The following LCE1F variants were observed in gnomAD, a reference collection of about 807,000 sequenced individuals.
LCE1F encodes late cornified envelope protein 1F.
For synonymous variants in LCE1F, 67 were observed against 59.9 expected (o/e 1.12, Z -0.55); for missense variants, 154 against 153.5 (o/e 1.00, Z -0.02).
chr1:152,776,195 G>A (rs1336511744), intron 1 of LCE1F, among the ~76,000 whole-genome samples, 155 bp from the exon 2 acceptor site: 1 of 152,022 alleles, frequency 6.6e-6, no homozygotes, highest in South Asian at 2.1e-4. Flanking sequence ...GAAAGCACTT[G>A]GTAAACATTG....
chr1:152,775,959 A>ATTTTTTTTTTTTTTTTTTTTTTTTTT (rs1557832103), intron 1 of LCE1F, among the ~76,000 whole-genome samples: 2 of 150,892 alleles, frequency 1.3e-5, no homozygotes, highest in African/African-American at 5.0e-5. Flanking sequence ...ATTTATTTTG[A>ATTTTTTTTTTTTTTTTTTTTTTTTTT]TTTTTCCTTA....
At chr1:152,776,267 G>T (rs1651587013) in intron 1 of LCE1F, 83 bp from the exon 2 acceptor site, 1 of 1,196,408 alleles carries the variant, frequency 8.4e-7, no homozygotes, top group Non-Finnish European at 1.2e-6. Flanking sequence ...CAAAATGAAG[G>T]ATCTAGAAAT....
chr1:152,776,337 G>A lies in LCE1F; in HGVS notation c.-22-13G>A, dbSNP rs1311600856. The A allele has an allele frequency of 1.9e-6, 3 of 1,607,442 alleles. No individual in the cohort carries two copies. Among genetic ancestry groups the A allele is most frequent in the Non-Finnish European group, 2.6e-6 (3 of 1,174,744 alleles). ...TCTGCCTCCATCTAACTTGCTGTCT[G>A]ACCCTCCTTCAGCTCCTGAACACCC... On this transcript the variant is annotated splice_polypyrimidine_tract_variant and intron_variant, in intron 1 of 1. Transcript: ENST00000334371.
rs80342527 is a variant in LCE1F at position 152,776,887 on chromosome 1, A to G, written c.*159A>G. 0.011 allele frequency among the ~76,000 whole-genome samples: 1,733 copies of G among 152,324 alleles called. 36 individuals carry two copies. Among genetic ancestry groups the G allele is most frequent in the African/African-American group, 0.039 (1,626 of 41,564 alleles). The stretch of plus-strand genomic sequence containing the variant: ...GAATCCAGAAATCTGCCCTCTCACA[A>G]GAATTCCTCTTCTGACCTCTGATTC... On this transcript the variant is annotated 3_prime_UTR_variant, in exon 2 of 2. Transcript: ENST00000334371.
intron 1 of LCE1F, among the ~76,000 whole-genome samples, chr1:152,776,051 G>T (rs934454106): frequency 2.6e-5 from 4 of 152,006 alleles, no homozygotes; most frequent in African/African-American, 9.7e-5. Context: ...ATGCTGGCCC[G>T]GAGCCAATTT....
intron 1 of LCE1F, among the ~76,000 whole-genome samples, 174 bp from the exon 2 acceptor site, chr1:152,776,176 T>A (rs1651585553): frequency 6.6e-6 from 1 of 152,130 alleles, no homozygotes; most frequent in Non-Finnish European, 1.5e-5. Context: ...GAAATGAGAA[T>A]CCATGAATGA....
chr1:152,776,772 G>C lies in LCE1F; in HGVS notation c.*44G>C. On this transcript the variant is annotated 3_prime_UTR_variant, in exon 2 of 2. Transcript: ENST00000334371. ...AAGAGCAGATTTAGAGGCATGAAAGGGGCAACTTCATCTTCCTTGGGACTG... is the reference window on the plus strand; with the variant it reads ...AAGAGCAGATTTAGAGGCATGAAAGCGGCAACTTCATCTTCCTTGGGACTG... 3 of 1,510,722 alleles carry C rather than the reference G, an allele frequency of 2.0e-6. No homozygotes were observed. Among genetic ancestry groups the C allele is most frequent in the Non-Finnish European group, 2.7e-6 (3 of 1,129,432 alleles). The allele number at this position is 1,510,722 out of a possible 1,614,324, so 93.6% of individuals were successfully genotyped here.
At chr1:152,775,792 G>A (rs1651573071) in intron 1 of LCE1F, among the ~76,000 whole-genome samples, 1 of 152,174 alleles carries the variant, frequency 6.6e-6, no homozygotes, top group South Asian at 2.1e-4. Context: ...AAATGTGACT[G>A]TTAATGAATA....
rs1557832271 is a variant in LCE1F at position 152,776,441 on chromosome 1, T to A, written c.70T>A (p.Cys24Ser). ...GTGCACTCCCAAGTGCCCTCCCAAG[T>A]GCCCCACACCGAAGTGCCCCCCAAA... ...PKCTPKCPPK[C>S]PTPKCPPKCP... The change falls in exon 2 of 2, where the codon TGC (cysteine) becomes AGC (serine). Residue 24 changes from cysteine to serine, a missense_variant. Coordinates refer to ENST00000334371, the MANE Select transcript of LCE1F (RefSeq NM_178354.3). 10 of 1,593,466 alleles carry A rather than the reference T, an allele frequency of 6.3e-6. No homozygotes were observed. The highest frequency in any genetic ancestry group is 8.5e-6 in the Non-Finnish European group (10 of 1,174,094).
intron 1 of LCE1F, 64 bp from the exon 2 acceptor site, chr1:152,776,286 A>C: frequency 7.3e-7 from 1 of 1,375,180 alleles, no homozygotes; most frequent in Non-Finnish European, 1.0e-6. Context: ...ATAATGCAGA[A>C]AGGACAAGAA....
At chr1:152,776,045 T>C (rs750902923) in intron 1 of LCE1F, among the ~76,000 whole-genome samples, 24 of 152,212 alleles carry the variant, frequency 1.6e-4, no homozygotes, top group Non-Finnish European at 4.4e-5. Context: ...GAATGAATGC[T>C]GGCCCGGAGC....
rs1557832427 is a variant in LCE1F at position 152,776,542 on chromosome 1, G to A, written c.171G>A (p.Gly57=). ...SSGGCCGSSS[G]GCCSSGGGGC... is the part of the protein sequence containing the mutation. Reference sequence around the variant, plus strand: ...GAGGCTGCTGTGGCTCCAGCTCTGGGGGCTGCTGCAGCTCTGGGGGTGGTG... The same window carrying A: ...GAGGCTGCTGTGGCTCCAGCTCTGGAGGCTGCTGCAGCTCTGGGGGTGGTG... Residue 57 remains glycine (G), a synonymous_variant, in exon 2 of 2, where the codon GGG becomes GGA. Coordinates refer to ENST00000334371, the MANE Select transcript of LCE1F (RefSeq NM_178354.3). The A allele has an allele frequency of 6.2e-7, 1 of 1,606,918 alleles. No individual in the cohort carries two copies.
chr1:152,776,050 C>T (rs777669797), intron 1 of LCE1F, among the ~76,000 whole-genome samples: 9 of 152,078 alleles, frequency 5.9e-5, no homozygotes, highest in African/African-American at 1.7e-4. Context: ...AATGCTGGCC[C>T]GGAGCCAATT....
intron 1 of LCE1F, 84 bp from the exon 2 acceptor site, chr1:152,776,266 G>A: frequency 1.7e-6 from 2 of 1,190,312 alleles, no homozygotes; most frequent in Non-Finnish European, 2.4e-6. Flanking sequence ...TCAAAATGAA[G>A]GATCTAGAAA....
At chr1:152,775,256 G>A (rs1273445062) in intron 1 of LCE1F, among the ~76,000 whole-genome samples, 66 bp downstream of exon 1, 1 of 152,186 alleles carries the variant, frequency 6.6e-6, no homozygotes, top group African/African-American at 2.4e-5. Flanking sequence ...GGGAAGGAGG[G>A]GATGGATACT....
intron 1 of LCE1F, 57 bp from the exon 2 acceptor site, chr1:152,776,293 A>G (rs1290032323): frequency 1.2e-5 from 17 of 1,432,162 alleles, no homozygotes; most frequent in Non-Finnish European, 1.6e-5. Flanking sequence ...AGAAAGGACA[A>G]GAATAGGCAG....
At position 152,776,367 on chromosome 1, in the gene LCE1F, C is replaced by T. The variant is rs1450336343; in HGVS notation, c.-5C>T. 3 of 1,613,892 alleles carry T rather than the reference C, an allele frequency of 1.9e-6. No homozygotes were observed. Among genetic ancestry groups the T allele is most frequent in the Non-Finnish European group, 2.5e-6 (3 of 1,179,908 alleles). On this transcript the variant is annotated 5_prime_UTR_variant, in exon 2 of 2. Transcript: ENST00000334371. ...TCCTTCAGCTCCTGAACACCCGCCA[C>T]CGAGATGTCTTGCCAGCAGAGCCAG...
At chr1:152,776,033 T>C (rs1651582156) in intron 1 of LCE1F, among the ~76,000 whole-genome samples, 1 of 152,198 alleles carries the variant, frequency 6.6e-6, no homozygotes, top group Non-Finnish European at 1.5e-5. Flanking sequence ...GGTGATGTGA[T>C]AGAATGAATG....
At position 152,776,619 on chromosome 1, in the gene LCE1F, G is replaced by A. The variant is rs765145222; in HGVS notation, c.248G>A (p.Arg83His). Residue 83 changes from arginine (R) to histidine (H), a missense_variant, in exon 2 of 2, where the codon CGT becomes CAT. Arg to His is a conservative substitution (Grantham distance 29). Coordinates refer to ENST00000334371, the MANE Select transcript of LCE1F (RefSeq NM_178354.3). ...GGCCLSHHRR[R>H]RSHRHRPQSS... Reference sequence around the variant, plus strand: ...TGTTGCCTGAGCCACCACAGACGGCGTAGGTCCCACCGCCACAGACCCCAG... The same window carrying A: ...TGTTGCCTGAGCCACCACAGACGGCATAGGTCCCACCGCCACAGACCCCAG... 1.6e-5 allele frequency: 25 copies of A among 1,612,362 alleles called. No individual in the cohort carries two copies. Among genetic ancestry groups the A allele is most frequent in the Middle Eastern group, 1.9e-4 (1 of 5,164 alleles).
Sources: allele counts gnomAD v4.1 joint callset (sites outside exome capture counted in the v4.1 genomes callset), GRCh38; gene constraint gnomAD v4.1.1; transcripts MANE v1.5; gene names NCBI Gene and HGNC (gene_info 2026-07-23, HGNC 2026-07-21).